BRD7: variants seen among roughly 807,000 people sequenced by gnomAD.
BRD7 encodes the protein bromodomain containing 7.
In BRD7, 15 loss-of-function variants were observed where a neutral mutation model predicts 82.1. The ratio of observed to expected loss-of-function variants is 0.18; its 90% confidence interval spans 0.12 to 0.28. The LOEUF (loss-of-function observed/expected upper bound fraction) is 0.28. BRD7 is among the 10% of genes least tolerant of loss of function. The pLI, the probability that BRD7 is intolerant of heterozygous loss-of-function variation, is 1.00. For missense variants in BRD7, 638 were observed against 779.9 expected (o/e 0.82, Z 2.17); for synonymous variants, 232 against 266.9 (o/e 0.87, Z 1.27).
chr16:50,368,459 GCGGCGCCGCC>G (rs2039239254), intron 1 of BRD7, 161 bp from the exon 2 acceptor site: 1 of 870,630 alleles, frequency 1.1e-6, no homozygotes, highest in South Asian at 1.8e-5. Context: ...CGGGGGTGCG[GCGGCGCCGCC>G]CGCCCCGAAC....
chr16:50,329,598 G>A (rs2037473933), intron 8 of BRD7, among the ~76,000 whole-genome samples: 1 of 152,158 alleles, frequency 6.6e-6, no homozygotes, highest in Admixed American at 6.5e-5. Context: ...AGATGCCTGT[G>A]CGTGAGTACA....
chr16:50,322,091 C>T (rs968431745), intron 12 of BRD7, 53 bp from the exon 13 acceptor site: 25 of 1,398,076 alleles, frequency 1.8e-5, no homozygotes, highest in Non-Finnish European at 2.5e-5. Flanking sequence ...AGGCGAATAT[C>T]AAGGAAAAGA....
chr16:50,347,944 C>T (rs1021138987), intron 5 of BRD7, among the ~76,000 whole-genome samples: 4 of 152,106 alleles, frequency 2.6e-5, no homozygotes, highest in African/African-American at 9.7e-5. Flanking sequence ...AAAGAGCCTG[C>T]ATTGCCAAGT....
intron 2 of BRD7, among the ~76,000 whole-genome samples, chr16:50,355,762 A>G (rs1370931724): frequency 6.6e-6 from 1 of 152,244 alleles, no homozygotes; most frequent in East Asian, 1.9e-4. Flanking sequence ...TTAAGACCCA[A>G]GAGTAGAAAA....
Position 50,359,095 on chromosome 16 carries a change from C to T in BRD7, c.259-4173G>A, listed in dbSNP as rs561688599. Among the ~76,000 whole-genome samples, 6 of 152,222 alleles carry T rather than the reference C, an allele frequency of 3.9e-5. No homozygotes were observed. The South Asian group carries it at 6.2e-4, about 16-fold the overall frequency. On this transcript the variant is annotated intron_variant, in intron 2 of 16. Transcript: ENST00000394688. ...GTCACTTATTAAATGAATATAGTTACGTAAAACCATAAGTTAACACAGTTC... is the reference window on the plus strand; with the variant it reads ...GTCACTTATTAAATGAATATAGTTATGTAAAACCATAAGTTAACACAGTTC...
At position 50,341,555 on chromosome 16, in the gene BRD7, A is replaced by G. The variant is rs143184749; in HGVS notation, c.592-1469T>C. On this transcript the variant is annotated intron_variant, in intron 5 of 16. Coordinates refer to ENST00000394688, the MANE Select transcript of BRD7 (RefSeq NM_013263.5). ...CTACTTGGGAGGCTGAGGCACAACA[A>G]TTGCTTGAACCCTGAACGTGGAGGT... 6.3e-3 allele frequency among the ~76,000 whole-genome samples: 944 copies of G among 150,056 alleles called. 14 individuals are homozygous for G. The highest frequency in any genetic ancestry group is 0.022 in the African/African-American group (886 of 40,762).
At chr16:50,354,546 T>C (rs1597086823) in intron 3 of BRD7, 64 bp from the exon 4 acceptor site, 3 of 1,361,282 alleles carry the variant, frequency 2.2e-6, no homozygotes, top group East Asian at 4.6e-5. Context: ...TATTATTTAC[T>C]AGATCATTTT....
chr16:50,343,459 C>T (rs750417615), intron 5 of BRD7, among the ~76,000 whole-genome samples: 5 of 152,146 alleles, frequency 3.3e-5, no homozygotes, highest in Admixed American at 1.3e-4. Flanking sequence ...TGGGGCTTGT[C>T]GGACAGTGGG....
Position 50,325,763 on chromosome 16 carries a change from AG to A in BRD7, c.1315del (p.Leu439PhefsTer29). The A allele has an allele frequency of 6.3e-7, 1 of 1,595,300 alleles. No homozygotes were observed. Among genetic ancestry groups the A allele is most frequent in the African/African-American group, 1.4e-5 (1 of 74,040 alleles). ...GGAAACTCACCTGAAATCACTTGGAAGATCAGAGTCTTCCCCATAGGTTGAA... is the reference window on the plus strand; with the variant it reads ...GGAAACTCACCTGAAATCACTTGGAAATCAGAGTCTTCCCCATAGGTTGAA... ...IYSTYGEDSD[L>X]PSDFSIHEFL... On this transcript the variant is annotated frameshift_variant, in exon 11 of 17. Transcript: ENST00000394688. LOFTEE classifies it high-confidence loss of function.
chr16:50,320,752 C>A lies in BRD7; in HGVS notation c.1523G>T (p.Gly508Val). Residue 508 changes from glycine to valine, a missense_variant, in exon 14 of 17, where the codon GGG becomes GTG. Transcript: ENST00000394688. ...GTCTTGAGTACTGGAGTCCAAACGC[C>A]CTGGTGGCTCTACTTCTGTAATCTG... is the stretch of plus-strand genomic sequence containing the variant. ...EMEITEVEPPGRLDSSTQDRL... is the reference protein window; with the variant it reads ...EMEITEVEPPVRLDSSTQDRL... The A allele has an allele frequency of 6.2e-7, 1 of 1,614,006 alleles. No homozygotes were observed. Among genetic ancestry groups the A allele is most frequent in the South Asian group, 1.1e-5 (1 of 91,080 alleles).
At chr16:50,324,235 T>G (rs2037240253) in intron 11 of BRD7, among the ~76,000 whole-genome samples, 1 of 152,064 alleles carries the variant, frequency 6.6e-6, no homozygotes, top group African/African-American at 2.4e-5. Context: ...GGCATCTCTC[T>G]CTCACATCCC....
At chr16:50,363,657 G>A (rs2039018021) in intron 2 of BRD7, among the ~76,000 whole-genome samples, 1 of 55,032 alleles carries the variant, frequency 1.8e-5, no homozygotes, top group Admixed American at 2.3e-4. Context: ...GTGTGTGTGT[G>A]TGTGCGCGCG....
chr16:50,337,394 G>A (rs527898584), intron 6 of BRD7, among the ~76,000 whole-genome samples: 27 of 151,346 alleles, frequency 1.8e-4, no homozygotes, highest in African/African-American at 6.1e-4. Flanking sequence ...CTGAGTAGCT[G>A]GAATTACAGG....
intron 2 of BRD7, among the ~76,000 whole-genome samples, chr16:50,364,854 T>C (rs915167851): frequency 1.4e-4 from 21 of 152,338 alleles, no homozygotes; most frequent in African/African-American, 5.1e-4. Flanking sequence ...ACGAAGAATA[T>C]TAATGTATCA....
At position 50,318,526 on chromosome 16, in the gene BRD7, C is replaced by CTACT. The variant is rs1383882641; in HGVS notation, c.*681_*684dup. 6.6e-5 allele frequency: 10 copies of CTACT among 152,170 alleles called. No homozygotes were observed. The highest frequency in any genetic ancestry group is 1.7e-4 in the African/African-American group (7 of 41,420). 9.4% of individuals were successfully genotyped at this position (152,170 alleles called of 1,614,324 possible). ...AGGGGGCCATGAATCTTGTGGTCTC[C>CTACT]TACTTAGAGTTCAACTCCTTGGGTA... On this transcript the variant is annotated 3_prime_UTR_variant, in exon 17 of 17. Transcript: ENST00000394688.
At chr16:50,330,154 T>C (rs778665497) in intron 8 of BRD7, among the ~76,000 whole-genome samples, 2 of 152,200 alleles carry the variant, frequency 1.3e-5, no homozygotes, top group African/African-American at 4.8e-5. Flanking sequence ...TTCTGTATTG[T>C]ATTACCTGAT....
At chr16:50,334,654 T>C in intron 7 of BRD7, 57 bp downstream of exon 7, 1 of 1,574,032 alleles carries the variant, frequency 6.4e-7, no homozygotes. Context: ...TAAGTATTTT[T>C]CCCCCTTACT....
chr16:50,357,179 G>A (rs995708022), intron 2 of BRD7, among the ~76,000 whole-genome samples: 1 of 152,230 alleles, frequency 6.6e-6, no homozygotes, highest in Non-Finnish European at 1.5e-5. Context: ...TGATCTGCAG[G>A]TATGGGGTAG....
At position 50,320,254 on chromosome 16, in the gene BRD7, G is replaced by C. The variant is rs751814174; in HGVS notation, c.1750C>G (p.His584Asp). 1.5e-5 allele frequency: 24 copies of C among 1,611,198 alleles called. No individual in the cohort carries two copies. Among genetic ancestry groups the C allele is most frequent in the Non-Finnish European group, 1.9e-5 (22 of 1,179,128 alleles). Residue 584 changes from histidine to aspartate, a missense_variant, in exon 15 of 17, where the codon CAT becomes GAT. Physicochemically the swap from His to Asp is moderately conservative, Grantham distance 81. This residue lies in a region of BRD7 where 402 missense variants were observed against 500.8 expected (regional missense o/e 0.80). Transcript: ENST00000394688. ...CLLGPSYREM[H>D]LAEQVTNNLK... ...TATGGGAGGCAAAACATACCAAGAT[G>C]CATTTCTCTGTATGAGGGACCCAAG...
Sources: gnomAD v4.1 joint callset for allele counts (sites outside exome capture counted in the v4.1 genomes callset) on GRCh38, gnomAD v4.1.1 for gene constraint, gnomAD v4.1.1 regional missense constraint, MANE v1.5 for transcripts, NCBI Gene and HGNC (gene_info 2026-07-23, HGNC 2026-07-21) for gene names.